The following CDH12 variants were observed in gnomAD, a reference collection of about 807,000 sequenced individuals.
CDH12 encodes the protein cadherin-12.
A neutral mutation model predicts 74.1 loss-of-function variants in CDH12; 41 were observed. The ratio of observed to expected loss-of-function variants is 0.55; its 90% confidence interval spans 0.43 to 0.72. CDH12 has a LOEUF of 0.72. Among genes scored for constraint, CDH12 ranks in the 30% least tolerant of loss-of-function variants. The pLI is 0.00. For missense variants in CDH12, 945 were observed against 977.2 expected (o/e 0.97, Z 0.44); for synonymous variants, 399 against 355.0 (o/e 1.12, Z -1.39).
Position 22,090,230 on chromosome 5 carries a change from C to T in CDH12, c.-186-11368G>A, listed in dbSNP as rs115670046. Reference sequence around the variant, plus strand: ...TATCAACCTTCTAACAATTAAAAAACGTACTATAACAAATACCATGAACAA... The same window carrying T: ...TATCAACCTTCTAACAATTAAAAAATGTACTATAACAAATACCATGAACAA... On this transcript the variant is annotated intron_variant, in intron 4 of 14. Transcript: ENST00000382254. Among the ~76,000 whole-genome samples the T allele has an allele frequency of 7.3e-3, 1,112 of 151,492 alleles. 12 individuals are homozygous for T. Among genetic ancestry groups the T allele is most frequent in the African/African-American group, 0.026 (1,063 of 41,410 alleles).
At chr5:21,880,616 C>CTCTCT (rs1752255658) in intron 6 of CDH12, among the ~76,000 whole-genome samples, 12 of 50,868 alleles carry the variant, frequency 2.4e-4, no homozygotes, top group African/African-American at 9.6e-4. Flanking sequence ...TCCTTCCTTC[C>CTCTCT]TTCTTTCTTT....
intron 3 of CDH12, among the ~76,000 whole-genome samples, chr5:22,276,670 C>CTATTT (rs543945433): frequency 7.9e-4 from 120 of 152,144 alleles, no homozygotes; most frequent in Middle Eastern, 3.4e-3. Flanking sequence ...ATTTTAAGCA[C>CTATTT]TATTTTATTT....
chr5:21,857,014 GTCA>G (rs1750787941), intron 6 of CDH12, among the ~76,000 whole-genome samples: 1 of 151,770 alleles, frequency 6.6e-6, no homozygotes, highest in South Asian at 2.1e-4. Flanking sequence ...CAGCTTCTTT[GTCA>G]GCTGCTTGAT....
intron 5 of CDH12, among the ~76,000 whole-genome samples, chr5:22,003,100 G>T (rs1393506800): frequency 6.6e-6 from 1 of 151,948 alleles, no homozygotes; most frequent in Admixed American, 6.6e-5. Context: ...GGTGTTAAGG[G>T]ATCTTATTGC....
intron 6 of CDH12, among the ~76,000 whole-genome samples, chr5:21,907,227 G>T (rs1221221255): frequency 6.6e-6 from 1 of 152,116 alleles, no homozygotes; most frequent in Non-Finnish European, 1.5e-5. Flanking sequence ...TAAAAAATAC[G>T]CCCAAATAGG....
chr5:22,524,760 G>T (rs1338562932), intron 1 of CDH12, among the ~76,000 whole-genome samples: 1 of 151,848 alleles, frequency 6.6e-6, no homozygotes, highest in Non-Finnish European at 1.5e-5. Context: ...TGTCCACCAA[G>T]TGACACATGT....
intron 4 of CDH12, among the ~76,000 whole-genome samples, chr5:22,084,589 A>G (rs1158116574): frequency 2.0e-5 from 3 of 152,142 alleles, no homozygotes; most frequent in African/African-American, 7.2e-5. Context: ...GTGTGAGTGC[A>G]TTTCCTCACT....
At chr5:22,048,436 T>A (rs1392500407) in intron 5 of CDH12, among the ~76,000 whole-genome samples, 1 of 152,136 alleles carries the variant, frequency 6.6e-6, no homozygotes, top group Non-Finnish European at 1.5e-5. Flanking sequence ...GTTGTCGTTG[T>A]TGGGGATTTC....
At chr5:22,461,909 C>A (rs1454026748) in intron 2 of CDH12, among the ~76,000 whole-genome samples, 1 of 151,688 alleles carries the variant, frequency 6.6e-6, no homozygotes, top group Non-Finnish European at 1.5e-5. Context: ...ATCAATATTG[C>A]TGAAATTTTT....
At position 21,832,807 on chromosome 5, in the gene CDH12, CAT is replaced by C. The variant is rs553211967; in HGVS notation, c.814+9352_814+9353del. Among the ~76,000 whole-genome samples the C allele has an allele frequency of 2.9e-3, 344 of 117,248 alleles. 2 individuals are homozygous for C. Among genetic ancestry groups the C allele is most frequent in the African/African-American group, 0.011 (323 of 30,662 alleles). The allele number at this position is 117,248 out of a possible 152,430, so 76.9% of individuals were successfully genotyped here. On this transcript the variant is annotated intron_variant, in intron 8 of 14. Coordinates refer to ENST00000382254, the MANE Select transcript of CDH12 (RefSeq NM_004061.5). Reference sequence around the variant, plus strand: ...ATATATCATATAATATATATATTATCATATAATATATGATATATATTATAATA... The same window carrying C: ...ATATATCATATAATATATATATTATCATAATATATGATATATATTATAATA...
At chr5:22,622,704 A>G (rs1381046602) in intron 1 of CDH12, among the ~76,000 whole-genome samples, 1 of 152,196 alleles carries the variant, frequency 6.6e-6, no homozygotes, top group Non-Finnish European at 1.5e-5. Flanking sequence ...AAAAAAGTCC[A>G]GGACCAGATG....
chr5:22,098,570 G>T (rs942090911), intron 4 of CDH12, among the ~76,000 whole-genome samples: 27 of 152,126 alleles, frequency 1.8e-4, no homozygotes, highest in African/African-American at 6.5e-4. Context: ...TCTCATAACT[G>T]CCAAAATCTA....
intron 4 of CDH12, among the ~76,000 whole-genome samples, chr5:22,166,984 T>C (rs1292828869): frequency 2.6e-5 from 4 of 152,194 alleles, no homozygotes; most frequent in Non-Finnish European, 4.4e-5. Context: ...TTGTTGATCT[T>C]CAATTCCTAT....
At chr5:21,979,918 T>C (rs1269553984) in intron 5 of CDH12, among the ~76,000 whole-genome samples, 1 of 151,956 alleles carries the variant, frequency 6.6e-6, no homozygotes, top group African/African-American at 2.4e-5. Flanking sequence ...GTAAAAGTGT[T>C]CCTATTTCTC....
intron 1 of CDH12, among the ~76,000 whole-genome samples, chr5:22,614,175 T>A (rs565162604): frequency 6.6e-6 from 1 of 152,132 alleles, no homozygotes; most frequent in Admixed American, 6.6e-5. Flanking sequence ...TTGACGCACA[T>A]TTATTACATA....
At chr5:22,061,782 G>A (rs989282667) in intron 5 of CDH12, among the ~76,000 whole-genome samples, 3 of 152,100 alleles carry the variant, frequency 2.0e-5, no homozygotes, top group African/African-American at 7.2e-5. Context: ...CTGTGTGGTT[G>A]GTGAAAAATG....
At chr5:22,190,456 T>G (rs1164783044) in intron 4 of CDH12, among the ~76,000 whole-genome samples, 1 of 152,130 alleles carries the variant, frequency 6.6e-6, no homozygotes, top group African/African-American at 2.4e-5. Flanking sequence ...CTGCACTGTT[T>G]TGGAACTGTG....
At chr5:22,041,963 G>T (rs1739603194) in intron 5 of CDH12, among the ~76,000 whole-genome samples, 1 of 152,122 alleles carries the variant, frequency 6.6e-6, no homozygotes, top group Admixed American at 6.6e-5. Context: ...TATTATTTCT[G>T]ACCACAATGG....
intron 2 of CDH12, among the ~76,000 whole-genome samples, chr5:22,502,854 T>G (rs1736230388): frequency 1.3e-5 from 2 of 152,184 alleles, no homozygotes; most frequent in African/African-American, 4.8e-5. Flanking sequence ...TTCCCATATT[T>G]GACACACATT....
Sources: gnomAD v4.1 joint callset for allele counts (sites outside exome capture counted in the v4.1 genomes callset) on GRCh38, gnomAD v4.1.1 for gene constraint, MANE v1.5 for transcripts, NCBI Gene and HGNC (gene_info 2026-07-23, HGNC 2026-07-21) for gene names.